The following RHOBTB3 variants were observed in gnomAD, a reference collection of about 807,000 sequenced individuals.
RHOBTB3 encodes the protein rho-related BTB domain-containing protein 3.
A neutral mutation model predicts 67.2 loss-of-function variants in RHOBTB3; 47 were observed. That is an observed-to-expected ratio of 0.70 (90% CI 0.55 to 0.89). RHOBTB3 has a LOEUF of 0.89. Among genes scored for constraint, RHOBTB3 ranks in the 40% least tolerant of loss-of-function variants. RHOBTB3 has a pLI of 0.00. For synonymous variants in RHOBTB3, 273 were observed against 274.2 expected, an observed-to-expected ratio of 1.00 and a Z score of 0.04; for missense variants, 631 against 750.0, an observed-to-expected ratio of 0.84 and a Z score of 1.85.
chr5:95,717,780 T>C (rs975764096), intron 1 of RHOBTB3: 48 of 152,256 alleles, frequency 3.2e-4, no homozygotes, highest in Admixed American at 2.0e-3. Context: ...GGAATCATTA[T>C]AATAAAATTC....
chr5:95,734,045 T>C (rs2112772690), intron 2 of RHOBTB3, among the ~76,000 whole-genome samples: 1 of 152,318 alleles, frequency 6.6e-6, no homozygotes, highest in South Asian at 2.1e-4. Context: ...AACTAGCACG[T>C]GTCAAGTTCT....
chr5:95,719,403 T>G (rs1754793994), intron 1 of RHOBTB3, among the ~76,000 whole-genome samples: 2 of 152,188 alleles, frequency 1.3e-5, no homozygotes, highest in Admixed American at 1.3e-4. Context: ...TAAACCTAGA[T>G]GGGTAAACCT....
In RHOBTB3 at chr5:95,780,305, G is replaced by A. The variant is rs1746011569; in HGVS notation, c.1336G>A (p.Ala446Thr). Residue 446 changes from alanine (A) to threonine (T), a missense_variant, in exon 9 of 12, where the codon GCA becomes ACA. Coordinates refer to ENST00000379982, the MANE Select transcript of RHOBTB3 (RefSeq NM_014899.4). ...CCTGGTGGCCCGTTGTGAAGTGATG[G>A]CAGCCATGTTTAATGGTAATTACAT... ...AILVARCEVM[A>T]AMFNGNYMEA... 1 of 1,613,994 alleles carries A rather than the reference G, an allele frequency of 6.2e-7. No homozygotes were observed. Among genetic ancestry groups the A allele is most frequent in the African/African-American group, 1.3e-5 (1 of 75,052 alleles).
At chr5:95,762,976 G>A (rs577669239) in intron 6 of RHOBTB3, among the ~76,000 whole-genome samples, 3 of 152,292 alleles carry the variant, frequency 2.0e-5, no homozygotes, top group Non-Finnish European at 2.9e-5. Context: ...CATGAGCTAC[G>A]TGGACGAGTA....
chr5:95,729,237 G>T (rs899726076), upstream of RHOBTB3, among the ~76,000 whole-genome samples: 1 of 152,138 alleles, frequency 6.6e-6, no homozygotes, highest in Non-Finnish European at 1.5e-5. Context: ...GGAGGTCCAA[G>T]AACTCTCTTT....
chr5:95,755,067 G>A (rs1351170754), intron 5 of RHOBTB3, among the ~76,000 whole-genome samples: 1 of 152,184 alleles, frequency 6.6e-6, no homozygotes, highest in Non-Finnish European at 1.5e-5. Flanking sequence ...ACACAAGTAA[G>A]AAGAAATGTT....
chr5:95,758,101 G>A (rs894587734), intron 6 of RHOBTB3, among the ~76,000 whole-genome samples: 5 of 152,190 alleles, frequency 3.3e-5, no homozygotes, highest in Admixed American at 2.0e-4. Flanking sequence ...AAAGGCATAT[G>A]AGCACTCTGA....
At chr5:95,735,264 T>C (rs1755426518) in intron 2 of RHOBTB3, among the ~76,000 whole-genome samples, 1 of 151,956 alleles carries the variant, frequency 6.6e-6, no homozygotes, top group South Asian at 2.1e-4. Context: ...TTTGCCTTTT[T>C]TTTTTTTTTT....
At chr5:95,719,824 C>T (rs1046448656) in intron 1 of RHOBTB3, 1 of 152,178 alleles carries the variant, frequency 6.6e-6, no homozygotes, top group African/African-American at 2.4e-5. Flanking sequence ...CATAAATTGG[C>T]TTAATGCAGT....
At chr5:95,772,507 C>T (rs143721014) in intron 8 of RHOBTB3, among the ~76,000 whole-genome samples, 1 of 151,900 alleles carries the variant, frequency 6.6e-6, no homozygotes, top group African/African-American at 2.4e-5. Context: ...TAACCTAGGT[C>T]CTCTTGATTG....
intron 6 of RHOBTB3, among the ~76,000 whole-genome samples, chr5:95,762,203 C>G (rs561561575): frequency 6.6e-6 from 1 of 152,180 alleles, no homozygotes; most frequent in Non-Finnish European, 1.5e-5. Flanking sequence ...CTCCCTCCCC[C>G]AGGAGACACT....
At chr5:95,744,885 A>C (rs79975346) in intron 3 of RHOBTB3, among the ~76,000 whole-genome samples, 47 of 151,996 alleles carry the variant, frequency 3.1e-4, no homozygotes, top group African/African-American at 1.0e-3. Context: ...AGCCTGGGCA[A>C]CATGGTGAAA....
At chr5:95,771,374 AT>A (rs1432662594) in intron 8 of RHOBTB3, among the ~76,000 whole-genome samples, 1 of 152,236 alleles carries the variant, frequency 6.6e-6, no homozygotes, top group Non-Finnish European at 1.5e-5. Context: ...AAAGATGCAC[AT>A]TACTTTTAAC....
At chr5:95,737,888 C>T (rs1401951800) in intron 3 of RHOBTB3, among the ~76,000 whole-genome samples, 1 of 152,186 alleles carries the variant, frequency 6.6e-6, no homozygotes, top group Admixed American at 6.5e-5. Context: ...TAATAACGCT[C>T]CTCCTCAGAG....
At chr5:95,768,311 C>T (rs1457108035) in intron 8 of RHOBTB3, 145 bp downstream of exon 8, 1 of 577,608 alleles carries the variant, frequency 1.7e-6, no homozygotes, top group Non-Finnish European at 2.9e-6. Context: ...TTAATGTCAA[C>T]AAAATCTTCC....
chr5:95,789,318 T>C (rs186468127), intron 11 of RHOBTB3: 1 of 153,232 alleles, frequency 6.5e-6, no homozygotes, highest in East Asian at 1.9e-4. Context: ...AGTATACCTA[T>C]ATGGGAGTCC....
rs568961183 is a variant in RHOBTB3 at position 95,784,044 on chromosome 5, T to C, written c.1623+81T>C. On this transcript the variant is annotated intron_variant, in intron 10 of 11. Coordinates refer to ENST00000379982, the MANE Select transcript of RHOBTB3 (RefSeq NM_014899.4). The stretch of plus-strand genomic sequence containing the variant: ...ATACTATTTTAAAATTTATCATTTT[T>C]TAACATACGTTAATACTAGTCTTAG... 783 of 1,146,056 alleles carry C rather than the reference T, an allele frequency of 6.8e-4. 1 individual carries two copies. Among genetic ancestry groups the C allele is most frequent in the Non-Finnish European group, 8.5e-4 (722 of 844,952 alleles). The allele number at this position is 1,146,056 out of a possible 1,614,324, so 71.0% of individuals were successfully genotyped here. A position where few individuals can be genotyped will look rare whatever the true frequency, so the allele number is the denominator to read the frequency against.
intron 8 of RHOBTB3, among the ~76,000 whole-genome samples, chr5:95,775,957 C>T (rs938104318): frequency 3.3e-5 from 5 of 151,888 alleles, no homozygotes; most frequent in Admixed American, 6.6e-5. Context: ...CAATTTTTTT[C>T]TATACACTTA....
At chr5:95,740,551 A>G (rs1755566518) in intron 3 of RHOBTB3, among the ~76,000 whole-genome samples, 1 of 152,244 alleles carries the variant, frequency 6.6e-6, no homozygotes, top group South Asian at 2.1e-4. Flanking sequence ...TTTACAAAAG[A>G]ATATGACCAT....
Sources: gnomAD v4.1 joint callset for allele counts (sites outside exome capture counted in the v4.1 genomes callset) on GRCh38, gnomAD v4.1.1 for gene constraint, MANE v1.5 for transcripts, NCBI Gene and HGNC (gene_info 2026-07-23, HGNC 2026-07-21) for gene names.